STK32B: variants seen among roughly 807,000 people sequenced by gnomAD.
STK32B encodes serine/threonine kinase 32B, also known as serine/threonine-protein kinase 32B.
STK32B carries 43 observed loss-of-function variants against 52.6 expected under a neutral mutation model. That is an observed-to-expected ratio of 0.82 (90% CI 0.64 to 1.05). The LOEUF (loss-of-function observed/expected upper bound fraction) is 1.05. Ranked by LOEUF, STK32B falls within the 50% of genes least tolerant of loss-of-function variation. STK32B has a pLI of 0.00. For synonymous variants in STK32B, 238 were observed against 204.3 expected, an observed-to-expected ratio of 1.17 and a Z score of -1.41; for missense variants, 621 against 534.6, an observed-to-expected ratio of 1.16 and a Z score of -1.59.
At position 5,367,550 on chromosome 4, in the gene STK32B, A is replaced by T. The variant is rs1013166715; in HGVS notation, c.435-30657A>T. On this transcript the variant is annotated intron_variant, in intron 4 of 11. Coordinates refer to ENST00000282908, the MANE Select transcript of STK32B (RefSeq NM_018401.3). ...GAATGGAGCATAGGGCTGGAAGGCC[A>T]GCAGACTCAACTGCCTCAATGCTAA... 6.6e-5 allele frequency among the ~76,000 whole-genome samples: 10 copies of T among 152,330 alleles called. No homozygotes were observed. The South Asian group carries it at 2.1e-3, about 32-fold the overall frequency.
At chr4:5,096,673 T>C (rs1346627463) in intron 1 of STK32B, among the ~76,000 whole-genome samples, 2 of 152,198 alleles carry the variant, frequency 1.3e-5, no homozygotes, top group African/African-American at 2.4e-5. Flanking sequence ...CGGCACCTGC[T>C]GGGGCCAGTC....
At chr4:5,320,852 G>C (rs1162295156) in intron 3 of STK32B, among the ~76,000 whole-genome samples, 1 of 152,206 alleles carries the variant, frequency 6.6e-6, no homozygotes, top group Non-Finnish European at 1.5e-5. Context: ...TTGGGTTGAA[G>C]AGTGATGCAT....
chr4:5,244,823 T>C (rs1725321202), intron 3 of STK32B, among the ~76,000 whole-genome samples: 1 of 152,262 alleles, frequency 6.6e-6, no homozygotes, highest in Non-Finnish European at 1.5e-5. Flanking sequence ...TCTGCCTTCA[T>C]TTCATTATGT....
the STK32B span, among the ~76,000 whole-genome samples, chr4:5,041,751 A>C: frequency 6.6e-6 from 1 of 152,058 alleles, no homozygotes; most frequent in Non-Finnish European, 1.5e-5. Flanking sequence ...TCAACAACAG[A>C]ACTGGATGTG....
At chr4:5,200,364 G>T (rs967245774) in intron 3 of STK32B, among the ~76,000 whole-genome samples, 5 of 151,034 alleles carry the variant, frequency 3.3e-5, no homozygotes, top group Non-Finnish European at 7.4e-5. Context: ...TACAGTGTAA[G>T]CCACCTAAAG....
chr4:5,456,477 A>C (rs1426882525), intron 7 of STK32B, among the ~76,000 whole-genome samples: 1 of 152,168 alleles, frequency 6.6e-6, no homozygotes, highest in Non-Finnish European at 1.5e-5. Context: ...GTCAGCCCGC[A>C]AGCCTGTGAC....
intron 4 of STK32B, among the ~76,000 whole-genome samples, chr4:5,354,604 A>C (rs1171700058): frequency 6.6e-6 from 1 of 152,216 alleles, no homozygotes; most frequent in African/African-American, 2.4e-5. Context: ...ATAGCAGAGA[A>C]GGGTGACTCG....
chr4:5,458,062 C>T (rs571031609), intron 8 of STK32B, among the ~76,000 whole-genome samples: 1 of 152,160 alleles, frequency 6.6e-6, no homozygotes, highest in Non-Finnish European at 1.5e-5. Context: ...GGGCCTAGGA[C>T]CAGCCAGCAT....
At chr4:5,042,632 G>C in the STK32B span, among the ~76,000 whole-genome samples, 1 of 152,344 alleles carries the variant, frequency 6.6e-6, no homozygotes, top group South Asian at 2.1e-4. Flanking sequence ...CTGCTAAGGA[G>C]ACCAAAGGGG....
chr4:5,303,979 G>A (rs889695180), intron 3 of STK32B, among the ~76,000 whole-genome samples: 2 of 152,106 alleles, frequency 1.3e-5, no homozygotes, highest in African/African-American at 4.8e-5. Context: ...TCAAAGATCA[G>A]TTGGCTATAA....
intron 1 of STK32B, among the ~76,000 whole-genome samples, chr4:5,099,454 G>GCGCAACGCGCGCGCA (rs1553823532): frequency 1.5e-5 from 2 of 129,744 alleles, no homozygotes; most frequent in African/African-American, 5.1e-5. Context: ...GTGTGTGCGC[G>GCGCAACGCGCGCGCA]CGCGCGTATG....
intron 1 of STK32B, among the ~76,000 whole-genome samples, chr4:5,129,398 G>T (rs542539853): frequency 6.6e-6 from 1 of 152,208 alleles, no homozygotes; most frequent in Admixed American, 6.5e-5. Flanking sequence ...TAGGTTTCTG[G>T]TAGAATACAC....
chr4:5,254,069 G>A (rs1340332562), intron 3 of STK32B, among the ~76,000 whole-genome samples: 3 of 152,082 alleles, frequency 2.0e-5, no homozygotes, highest in Admixed American at 6.5e-5. Context: ...ACAGGCGTGA[G>A]CCACTGTGCC....
At chr4:5,166,680 G>T (rs1027151527) in intron 2 of STK32B, among the ~76,000 whole-genome samples, 1 of 151,702 alleles carries the variant, frequency 6.6e-6, no homozygotes, top group Non-Finnish European at 1.5e-5. Flanking sequence ...GCCTTCAGAG[G>T]GGGCAGGACC....
At chr4:5,208,109 C>A (rs1053772563) in intron 3 of STK32B, among the ~76,000 whole-genome samples, 2 of 152,126 alleles carry the variant, frequency 1.3e-5, no homozygotes, top group African/African-American at 4.8e-5. Flanking sequence ...CCAGCCTGGA[C>A]TGGGAGAAGG....
At chr4:5,341,513 G>T (rs1733073692) in intron 4 of STK32B, among the ~76,000 whole-genome samples, 1 of 152,110 alleles carries the variant, frequency 6.6e-6, no homozygotes, top group Non-Finnish European at 1.5e-5. Context: ...AAAGCATTTT[G>T]TCTACTTTCT....
chr4:5,344,344 C>T (rs979320701), intron 4 of STK32B, among the ~76,000 whole-genome samples: 12 of 152,164 alleles, frequency 7.9e-5, no homozygotes, highest in Admixed American at 2.6e-4. Flanking sequence ...AAACCTATTA[C>T]ATAGTGTCTC....
chr4:5,250,280 G>C (rs56768144), intron 3 of STK32B, among the ~76,000 whole-genome samples: 13,368 of 150,074 alleles, frequency 0.089, 914 homozygotes, highest in African/African-American at 0.19. Flanking sequence ...GGTAGAATTA[G>C]TGGAATGAAT....
At chr4:5,253,936 G>A (rs533928931) in intron 3 of STK32B, among the ~76,000 whole-genome samples, 2 of 152,162 alleles carry the variant, frequency 1.3e-5, no homozygotes, top group Admixed American at 1.3e-4. Context: ...AAAAATTATA[G>A]CCACCGTGCG....
Sources: allele counts gnomAD v4.1 joint callset (sites outside exome capture counted in the v4.1 genomes callset), GRCh38; gene constraint gnomAD v4.1.1; transcripts MANE v1.5; gene names NCBI Gene and HGNC (gene_info 2026-07-23, HGNC 2026-07-21).